Variants in RNF212 observed in about 807,000 individuals in gnomAD.
RNF212 encodes probable E3 SUMO-protein ligase RNF212.
In RNF212, 33 loss-of-function variants were observed where a neutral mutation model predicts 34.7. That is an observed-to-expected ratio of 0.95 (90% CI 0.72 to 1.27). RNF212 has a LOEUF of 1.27. Among genes scored for constraint, RNF212 ranks in the 50% most tolerant of loss-of-function variants. The pLI is 0.00. For synonymous variants in RNF212, 140 were observed against 136.1 expected, an observed-to-expected ratio of 1.03 and a Z score of -0.20; for missense variants, 377 against 362.2, an observed-to-expected ratio of 1.04 and a Z score of -0.33.
downstream of RNF212, among the ~76,000 whole-genome samples, chr4:1,068,405 G>C (rs982993757): frequency 6.6e-6 from 1 of 152,106 alleles, no homozygotes; most frequent in African/African-American, 2.4e-5. Flanking sequence ...AATCCCTCTT[G>C]ATTTTTCAGC....
At chr4:1,088,395 G>A (rs757323311) in intron 4 of RNF212, among the ~76,000 whole-genome samples, 9 of 152,322 alleles carry the variant, frequency 5.9e-5, no homozygotes, top group Admixed American at 1.3e-4. Context: ...GCAGCAAAGC[G>A]TTCAAGATGT....
chr4:1,110,241 T>C (rs1291389120), intron 1 of RNF212, among the ~76,000 whole-genome samples: 2 of 152,088 alleles, frequency 1.3e-5, no homozygotes, highest in Non-Finnish European at 2.9e-5. Flanking sequence ...TAAAAGGCTA[T>C]GAGGAGACCT....
intron 3 of RNF212, among the ~76,000 whole-genome samples, chr4:1,060,224 G>A (rs1174538981): frequency 6.6e-6 from 1 of 152,324 alleles, no homozygotes; most frequent in East Asian, 1.9e-4. Context: ...CCCAGGGTCT[G>A]GCAAGCAGTG....
At position 1,060,952 on chromosome 4, in the gene RNF212, A is replaced by G. The variant is rs185796710; in HGVS notation, n.148-2559T>C. Among the ~76,000 whole-genome samples the G allele has an allele frequency of 8.5e-4, 129 of 152,362 alleles. 2 individuals are homozygous for G. The highest frequency in any genetic ancestry group is 8.4e-3 in the Admixed American group (128 of 15,308). On this transcript the variant is annotated intron_variant and non_coding_transcript_variant, in intron 3 of 4. Transcript: ENST00000503206. The stretch of plus-strand genomic sequence containing the variant: ...GGACTGCTGGCTACAGTGGAGTAGA[A>G]ATCAATGAGTTATCTCTACGAAGCC...
Position 1,072,768 on chromosome 4 carries a change from G to C in RNF212, c.*106C>G. ...AAAAGGTTAATATCCTGCACACTGA[G>C]GGCTTCCACATAAATGACAAAGGAA... On this transcript the variant is annotated 3_prime_UTR_variant, in exon 10 of 10. Coordinates refer to ENST00000433731, the MANE Select transcript of RNF212 (RefSeq NM_001131034.4). 1 of 1,457,892 alleles carries C rather than the reference G, an allele frequency of 6.9e-7. No homozygotes were observed. The highest frequency in any genetic ancestry group is 1.5e-5 in the South Asian group (1 of 67,460). The allele number at this position is 1,457,892 out of a possible 1,614,324, so 90.3% of individuals were successfully genotyped here. A position where few individuals can be genotyped will look rare whatever the true frequency, so the allele number is the denominator to read the frequency against.
At chr4:1,077,259 C>G (rs953251333) in intron 8 of RNF212, among the ~76,000 whole-genome samples, 1 of 152,126 alleles carries the variant, frequency 6.6e-6, no homozygotes, top group African/African-American at 2.4e-5. Context: ...AAACAAAAAG[C>G]AAAAGACAGA....
intron 2 of RNF212, among the ~76,000 whole-genome samples, chr4:1,099,500 C>T (rs1481975005): frequency 1.3e-5 from 2 of 152,086 alleles, no homozygotes; most frequent in Non-Finnish European, 1.5e-5. Context: ...GCTCCAGGAG[C>T]GGGGCGGGGA....
intron 5 of RNF212, among the ~76,000 whole-genome samples, chr4:1,082,153 G>C (rs999353996): frequency 6.6e-6 from 1 of 152,002 alleles, no homozygotes; most frequent in Non-Finnish European, 1.5e-5. Flanking sequence ...GAAAGGGAAA[G>C]GAAAGAAAAG....
At chr4:1,057,920 G>C (rs1007942276) in intron 4 of RNF212, among the ~76,000 whole-genome samples, 1 of 152,224 alleles carries the variant, frequency 6.6e-6, no homozygotes, top group Non-Finnish European at 1.5e-5. Flanking sequence ...AATTAGCCGA[G>C]TGTGGTGGCA....
intron 4 of RNF212, among the ~76,000 whole-genome samples, chr4:1,090,130 G>C (rs961592087): frequency 1.3e-5 from 2 of 149,230 alleles, no homozygotes; most frequent in African/African-American, 5.0e-5. Flanking sequence ...ACAGGACAGG[G>C]ATGGGGTACC....
intron 5 of RNF212, among the ~76,000 whole-genome samples, chr4:1,085,331 C>T (rs1720997094): frequency 6.6e-6 from 1 of 152,184 alleles, no homozygotes; most frequent in African/African-American, 2.4e-5. Flanking sequence ...CTAAAATGTA[C>T]AAGAAAGGAG....
chr4:1,088,451 G>A (rs917609275), intron 4 of RNF212, among the ~76,000 whole-genome samples: 4 of 152,200 alleles, frequency 2.6e-5, no homozygotes, highest in Non-Finnish European at 5.9e-5. Flanking sequence ...TGTTCACAAA[G>A]AGATGATCTA....
At chr4:1,058,358 G>A in exon 4 of RNF212, 3 of 985,146 alleles carry the variant, frequency 3.0e-6, no homozygotes, top group Non-Finnish European at 3.6e-6. Context: ...CTCGTTGTCA[G>A]GCCGGGATGC....
At position 1,095,540 on chromosome 4, in the gene RNF212, G is replaced by A. The variant is rs552112228; in HGVS notation, c.246+1225C>T. ...CACAGCTCCATGGTCTCGGGATAGT[G>A]CACCTGGCTCATCACAGAACCAAGC... On this transcript the variant is annotated intron_variant, in intron 3 of 9. Coordinates refer to ENST00000433731, the MANE Select transcript of RNF212 (RefSeq NM_001131034.4). Among the ~76,000 whole-genome samples, 357 of 99,584 alleles carry A rather than the reference G, an allele frequency of 3.6e-3. 3 individuals are homozygous for A. The highest frequency in any genetic ancestry group is 6.7e-3 in the Middle Eastern group (1 of 150). The allele number at this position is 99,584 out of a possible 152,430, so 65.3% of individuals were successfully genotyped here.
chr4:1,112,179 C>G (rs920862401), intron 1 of RNF212, among the ~76,000 whole-genome samples: 1 of 152,152 alleles, frequency 6.6e-6, no homozygotes, highest in Non-Finnish European at 1.5e-5. Context: ...CGAACTCCAG[C>G]CTGGGCGACA....
chr4:1,108,423 CT>C lies in RNF212; in HGVS notation c.110-20del. ...TTTTTACCTATAAAATAAAAATAGG[CT>C]TTATTATATTAGACTGACTACTACT... is the stretch of plus-strand genomic sequence containing the variant. On this transcript the variant is annotated intron_variant, in intron 1 of 9. Coordinates refer to ENST00000433731, the MANE Select transcript of RNF212 (RefSeq NM_001131034.4). 1 of 1,360,674 alleles carries C rather than the reference CT, an allele frequency of 7.3e-7. No homozygotes were observed. Among genetic ancestry groups the C allele is most frequent in the Non-Finnish European group, 9.9e-7 (1 of 1,008,784 alleles). The allele number at this position is 1,360,674 out of a possible 1,614,324, so 84.3% of individuals were successfully genotyped here.
intron 2 of RNF212, chr4:1,099,585 TAA>T (rs1723611469): frequency 5.2e-6 from 2 of 385,162 alleles, no homozygotes; most frequent in African/African-American, 2.1e-5. Flanking sequence ...GTTAGACTTT[TAA>T]AAGTCAAGAT....
At chr4:1,057,253 C>T (rs761893658) in intron 4 of RNF212, among the ~76,000 whole-genome samples, 4 of 152,148 alleles carry the variant, frequency 2.6e-5, no homozygotes, top group Admixed American at 6.5e-5. Flanking sequence ...CGTGAGAGAA[C>T]GCTGAGGCCT....
intron 7 of RNF212, 86 bp from the exon 8 acceptor site, chr4:1,079,774 T>G (rs1349276554): frequency 1.1e-6 from 1 of 903,788 alleles, no homozygotes; most frequent in Non-Finnish European, 1.9e-6. Context: ...GACGAGATGA[T>G]GTGTAAATGT....
Sources: gnomAD v4.1 joint callset for allele counts (sites outside exome capture counted in the v4.1 genomes callset) on GRCh38, gnomAD v4.1.1 for gene constraint, MANE v1.5 for transcripts, NCBI Gene and HGNC (gene_info 2026-07-23, HGNC 2026-07-21) for gene names.